Variants in PTPN3 observed in about 807,000 individuals in gnomAD.
PTPN3 encodes the protein tyrosine-protein phosphatase non-receptor type 3.
A neutral mutation model predicts 132.7 loss-of-function variants in PTPN3; 96 were observed. The ratio of observed to expected loss-of-function variants is 0.72; its 90% CI spans 0.61 to 0.86. The LOEUF (loss-of-function observed/expected upper bound fraction) is 0.86, where lower values mean the gene tolerates loss of function less well. Among genes scored for constraint, PTPN3 ranks in the 40% least tolerant of loss-of-function variants. The pLI is 0.00. For synonymous variants in PTPN3, 398 were observed against 429.0 expected (o/e 0.93, Z 0.89); for missense variants, 1,125 against 1,159.6 (o/e 0.97, Z 0.43).
intron 19 of PTPN3, among the ~76,000 whole-genome samples, chr9:109,394,879 C>CCTA (rs1291934688): frequency 6.6e-6 from 1 of 152,150 alleles, no homozygotes; most frequent in East Asian, 1.9e-4. Flanking sequence ...GCAGCTCACG[C>CCTA]CTGTAATCCC....
intron 7 of PTPN3, among the ~76,000 whole-genome samples, chr9:109,443,657 A>C (rs564487425): frequency 1.4e-4 from 21 of 152,316 alleles, no homozygotes; most frequent in African/African-American, 5.1e-4. Flanking sequence ...GCAGACACAG[A>C]GTTCACAAGG....
chr9:109,401,033 C>G (rs1050247091), intron 19 of PTPN3, among the ~76,000 whole-genome samples: 3 of 152,172 alleles, frequency 2.0e-5, no homozygotes, highest in African/African-American at 7.2e-5. Flanking sequence ...AGCAGACCTG[C>G]TTTCATCTGT....
chr9:109,391,574 T>C lies in PTPN3; in HGVS notation c.1954-13A>G. 6.3e-7 allele frequency: 1 copy of C among 1,596,774 alleles called. No homozygotes were observed. The highest frequency in any genetic ancestry group is 8.5e-7 in the Non-Finnish European group (1 of 1,169,634). Reference sequence around the variant, plus strand: ...TTCTGTAGAGTTGCTATGTGAGAAATAGAGAAAAAAGCAAGCATTGCAAAA... The same window carrying C: ...TTCTGTAGAGTTGCTATGTGAGAAACAGAGAAAAAAGCAAGCATTGCAAAA... On this transcript the variant is annotated splice_polypyrimidine_tract_variant and intron_variant, in intron 19 of 25. Coordinates refer to ENST00000374541, the MANE Select transcript of PTPN3 (RefSeq NM_002829.4).
chr9:109,433,916 TAAAAAAAAAAA>T (rs1170933792), intron 9 of PTPN3, among the ~76,000 whole-genome samples: 15 of 98,306 alleles, frequency 1.5e-4, no homozygotes, highest in Middle Eastern at 5.4e-3. Flanking sequence ...AGACTCTGTT[TAAAAAAAAAAA>T]AAAAAAAAAA....
chr9:109,412,527 C>T (rs952330352), intron 14 of PTPN3, among the ~76,000 whole-genome samples: 2 of 152,148 alleles, frequency 1.3e-5, no homozygotes, highest in African/African-American at 2.4e-5. Flanking sequence ...GTGCCCGCCA[C>T]CACACCCGGC....
chr9:109,495,432 C>A (rs544762774), intron 1 of PTPN3, among the ~76,000 whole-genome samples: 1 of 152,300 alleles, frequency 6.6e-6, no homozygotes, highest in South Asian at 2.1e-4. Flanking sequence ...CAAAGCTGAG[C>A]CCTTCTGGTA....
chr9:109,500,796 A>G (rs1044403961), upstream of PTPN3, among the ~76,000 whole-genome samples: 1 of 152,040 alleles, frequency 6.6e-6, no homozygotes, highest in South Asian at 2.1e-4. Context: ...GTGTGGTGGC[A>G]TGCACCTGTG....
At chr9:109,468,605 A>G (rs1846219975) in intron 1 of PTPN3, among the ~76,000 whole-genome samples, 1 of 152,180 alleles carries the variant, frequency 6.6e-6, no homozygotes, top group Non-Finnish European at 1.5e-5. Context: ...TGACCTCGTG[A>G]TCCGCCCACC....
chr9:109,506,115 T>A, the PTPN3 span, among the ~76,000 whole-genome samples: 1 of 152,120 alleles, frequency 6.6e-6, no homozygotes, highest in Non-Finnish European at 1.5e-5. Context: ...GAAGAAGAGA[T>A]GAAGAAAGGG....
chr9:109,527,127 G>A, the PTPN3 span, among the ~76,000 whole-genome samples: 3 of 152,214 alleles, frequency 2.0e-5, no homozygotes, highest in Admixed American at 2.0e-4. Flanking sequence ...AAAAGTATAA[G>A]TCATGAGAGA....
intron 22 of PTPN3, among the ~76,000 whole-genome samples, chr9:109,385,507 CAT>C (rs760107519): frequency 2.6e-4 from 39 of 152,226 alleles, no homozygotes; most frequent in African/African-American, 8.9e-4. Flanking sequence ...CTCTGTTTTG[CAT>C]ATGAGTAAAC....
intron 1 of PTPN3, among the ~76,000 whole-genome samples, chr9:109,482,731 C>T (rs1420552691): frequency 6.6e-6 from 1 of 152,130 alleles, no homozygotes; most frequent in Non-Finnish European, 1.5e-5. Flanking sequence ...AATGCTCTGG[C>T]CTTTTAATCC....
intron 19 of PTPN3, among the ~76,000 whole-genome samples, chr9:109,393,795 T>A (rs1203887247): frequency 1.3e-5 from 2 of 152,222 alleles, no homozygotes; most frequent in African/African-American, 4.8e-5. Context: ...TCCCTCTATG[T>A]TTTTGCAAAT....
chr9:109,385,455 C>T (rs1241949917), intron 22 of PTPN3, among the ~76,000 whole-genome samples: 1 of 152,138 alleles, frequency 6.6e-6, no homozygotes, highest in African/African-American at 2.4e-5. Context: ...ATGGCTTTAC[C>T]TTGGCTTCAA....
chr9:109,468,690 T>C (rs550325165), intron 1 of PTPN3, among the ~76,000 whole-genome samples: 1 of 152,284 alleles, frequency 6.6e-6, no homozygotes, highest in African/African-American at 2.4e-5. Context: ...TAATCAAAGA[T>C]TATACTTGGA....
intron 5 of PTPN3, among the ~76,000 whole-genome samples, chr9:109,454,152 C>T (rs1407011902): frequency 1.2e-5 from 1 of 81,100 alleles, no homozygotes; most frequent in Non-Finnish European, 3.1e-5. Context: ...CTACATCCTG[C>T]CTACATTGGT....
intron 1 of PTPN3, among the ~76,000 whole-genome samples, chr9:109,473,544 G>A (rs770047256): frequency 6.6e-6 from 1 of 152,148 alleles, no homozygotes; most frequent in Non-Finnish European, 1.5e-5. Context: ...AGAATGCTGC[G>A]GGAGCCGCGG....
Position 109,410,271 on chromosome 9 carries a change from T to C in PTPN3, c.1458A>G (p.Lys486=). ...QLLDDFHRVT[K]GGSTEDASQY... is the part of the protein sequence containing the mutation. The stretch of plus-strand genomic sequence containing the variant: ...GGCTGGCGTCCTCGGTGGAGCCCCC[T>C]TTGGTCACCCTGTGGAAGTCATCTA... The change falls in exon 15 of 26, where the codon AAA becomes AAG. Residue 486 remains lysine (K), a synonymous_variant. Transcript: ENST00000374541. 1 of 1,613,942 alleles carries C rather than the reference T, an allele frequency of 6.2e-7. No individual in the cohort carries two copies. Among genetic ancestry groups the C allele is most frequent in the Non-Finnish European group, 8.5e-7 (1 of 1,180,002 alleles).
upstream of PTPN3, among the ~76,000 whole-genome samples, chr9:109,502,192 G>A (rs1162730458): frequency 6.6e-6 from 1 of 152,212 alleles, no homozygotes; most frequent in Non-Finnish European, 1.5e-5. Flanking sequence ...AGAAAATCAG[G>A]TGCCAGGCAC....
Sources: gnomAD v4.1 joint callset for allele counts (sites outside exome capture counted in the v4.1 genomes callset) on GRCh38, gnomAD v4.1.1 for gene constraint, MANE v1.5 for transcripts, NCBI Gene and HGNC (gene_info 2026-07-23, HGNC 2026-07-21) for gene names.